The following SIPA1L3 variants were observed in gnomAD, a reference collection of about 807,000 sequenced individuals.
SIPA1L3 encodes the protein signal-induced proliferation-associated 1-like protein 3.
In SIPA1L3, 59 loss-of-function variants were observed where a neutral mutation model predicts 150.1. That is an observed-to-expected ratio of 0.39 (90% confidence interval 0.32 to 0.49). SIPA1L3 has a LOEUF of 0.49. Ranked by LOEUF, SIPA1L3 falls within the 20% of genes least tolerant of loss-of-function variation. The probability of loss-of-function intolerance (pLI) is 0.86; values close to 1 mark genes in which losing one functional copy is unlikely to be tolerated. For synonymous variants in SIPA1L3, 1,070 were observed against 1,077.6 expected, an observed-to-expected ratio of 0.99 and a Z score of 0.14; for missense variants, 2,211 against 2,489.5, an observed-to-expected ratio of 0.89 and a Z score of 2.38.
chr19:38,077,490 A>C (rs376294373), intron 2 of SIPA1L3, among the ~76,000 whole-genome samples: 10 of 151,842 alleles, frequency 6.6e-5, no homozygotes, highest in African/African-American at 2.4e-4. Context: ...AAAAAGAAGT[A>C]AGCCTGTTCA....
At chr19:37,951,874 C>G (rs976129841) in intron 1 of SIPA1L3, among the ~76,000 whole-genome samples, 1 of 116,436 alleles carries the variant, frequency 8.6e-6, no homozygotes, top group Admixed American at 1.2e-4. Context: ...TCCAGCCTGG[C>G]GACAGAGCAA....
intron 17 of SIPA1L3, 42 bp from the exon 18 acceptor site, chr19:38,193,495 C>G: frequency 7.0e-7 from 1 of 1,423,460 alleles, no homozygotes; most frequent in Non-Finnish European, 9.1e-7. Context: ...TGGCTATGAG[C>G]CAGTCTGTGA....
chr19:37,937,603 G>T (rs1163262047), intron 1 of SIPA1L3, among the ~76,000 whole-genome samples: 1 of 151,054 alleles, frequency 6.6e-6, no homozygotes, highest in Non-Finnish European at 1.5e-5. Flanking sequence ...TTAGCCAGGT[G>T]TGGTGGCATG....
At chr19:38,062,118 G>A (rs1209676040) in intron 2 of SIPA1L3, among the ~76,000 whole-genome samples, 1 of 151,882 alleles carries the variant, frequency 6.6e-6, no homozygotes, top group African/African-American at 2.4e-5. Flanking sequence ...GGATCATCTT[G>A]CTGGATCTAC....
At chr19:38,070,100 G>A (rs979404704) in intron 2 of SIPA1L3, among the ~76,000 whole-genome samples, 3 of 151,958 alleles carry the variant, frequency 2.0e-5, no homozygotes, top group Non-Finnish European at 4.4e-5. Context: ...GCTCATCCAC[G>A]GCAGGTACCC....
intron 1 of SIPA1L3, among the ~76,000 whole-genome samples, chr19:37,918,050 A>G (rs1437520152): frequency 2.6e-5 from 4 of 151,826 alleles, no homozygotes; most frequent in African/African-American, 9.7e-5. Flanking sequence ...CTCTGGGTTT[A>G]CATTGGTGTC....
chr19:37,944,372 C>T (rs1599824375), intron 1 of SIPA1L3, among the ~76,000 whole-genome samples: 1 of 152,116 alleles, frequency 6.6e-6, no homozygotes, highest in East Asian at 1.9e-4. Context: ...ATTAAGTGCA[C>T]ACTTCCAGGT....
chr19:37,925,759 A>C (rs2046498324), intron 1 of SIPA1L3, among the ~76,000 whole-genome samples: 1 of 151,844 alleles, frequency 6.6e-6, no homozygotes, highest in South Asian at 2.1e-4. Flanking sequence ...ATGCCCAGCT[A>C]ATTTTTGTAT....
chr19:38,106,568 G>A lies in SIPA1L3; in HGVS notation c.2061G>A (p.Thr687=), dbSNP rs770801508. 2.4e-5 allele frequency: 38 copies of A among 1,613,786 alleles called. No homozygotes were observed. Among genetic ancestry groups the A allele is most frequent in the Non-Finnish European group, 3.1e-5 (37 of 1,179,828 alleles). Reference sequence around the variant, plus strand: ...CCACGGGAACCCACTCCCTCTACACGATGTACCAGGACTACGAGATCATGT... The same window carrying A: ...CCACGGGAACCCACTCCCTCTACACAATGTACCAGGACTACGAGATCATGT... ...TDSTGTHSLY[T]MYQDYEIMFH... The change falls in exon 7 of 22, where the codon ACG becomes ACA. Residue 687 remains threonine, a synonymous_variant. Coordinates refer to ENST00000222345, the MANE Select transcript of SIPA1L3 (RefSeq NM_015073.3).
intron 1 of SIPA1L3, among the ~76,000 whole-genome samples, chr19:37,913,704 C>CTT (rs1333992240): frequency 7.6e-6 from 1 of 131,840 alleles, no homozygotes; most frequent in Admixed American, 7.5e-5. Context: ...CCTTTTCTTT[C>CTT]TTTTTTTTTT....
chr19:38,077,290 A>G (rs1482203588), intron 2 of SIPA1L3, among the ~76,000 whole-genome samples: 1 of 152,060 alleles, frequency 6.6e-6, no homozygotes, highest in Non-Finnish European at 1.5e-5. Flanking sequence ...ACCTCTACCA[A>G]AAATTTAAAA....
chr19:38,023,837 G>C (rs915890556), intron 1 of SIPA1L3, among the ~76,000 whole-genome samples: 6 of 152,162 alleles, frequency 3.9e-5, no homozygotes, highest in African/African-American at 1.2e-4. Context: ...CACTGCCCAG[G>C]GTGTTTATTC....
chr19:38,040,510 G>T (rs931401926), intron 2 of SIPA1L3, among the ~76,000 whole-genome samples: 8 of 152,238 alleles, frequency 5.3e-5, no homozygotes, highest in Non-Finnish European at 8.8e-5. Context: ...TATAAAAGTG[G>T]TTATATAATC....
chr19:38,045,084 A>G (rs549256576), intron 2 of SIPA1L3, among the ~76,000 whole-genome samples: 1 of 152,264 alleles, frequency 6.6e-6, no homozygotes, highest in South Asian at 2.1e-4. Context: ...GGAGATAGAT[A>G]TCAAATAATC....
At chr19:38,083,862 A>G (rs1210895767) in intron 3 of SIPA1L3, among the ~76,000 whole-genome samples, 1 of 151,916 alleles carries the variant, frequency 6.6e-6, no homozygotes, top group Non-Finnish European at 1.5e-5. Flanking sequence ...GCATGGTGAC[A>G]TGTGGCTGTA....
rs568339991 is a variant in SIPA1L3, at chr19:37,968,165, C to T, written c.-379+60807C>T. Among the ~76,000 whole-genome samples, 4 of 151,670 alleles carry T rather than the reference C, an allele frequency of 2.6e-5. 1 individual carries two copies. Among genetic ancestry groups the T allele is most frequent in the South Asian group, 4.2e-4 (2 of 4,774 alleles). On this transcript the variant is annotated intron_variant, in intron 1 of 21. Coordinates refer to ENST00000222345, the MANE Select transcript of SIPA1L3 (RefSeq NM_015073.3). ...CTCAGCTCATGCAACCTCTGCCTCC[C>T]GGGTTCAAGCGATTCTCCTGCCTCA...
chr19:38,191,818 A>G (rs1972810318), intron 16 of SIPA1L3, among the ~76,000 whole-genome samples: 1 of 151,738 alleles, frequency 6.6e-6, no homozygotes, highest in South Asian at 2.1e-4. Context: ...CTCAAACAAC[A>G]AAAAAAAGCC....
intron 8 of SIPA1L3, among the ~76,000 whole-genome samples, chr19:38,118,591 T>C (rs1048957796): frequency 1.3e-5 from 2 of 151,700 alleles, no homozygotes; most frequent in Non-Finnish European, 2.9e-5. Context: ...TGGAGTGCAG[T>C]GGCGCCATCT....
At chr19:38,031,607 C>A (rs1432048763) in intron 2 of SIPA1L3, among the ~76,000 whole-genome samples, 2 of 152,174 alleles carry the variant, frequency 1.3e-5, no homozygotes, top group Admixed American at 1.3e-4. Context: ...TCTGTGACAT[C>A]AATGCATCAT....
Sources: allele counts gnomAD v4.1 joint callset (sites outside exome capture counted in the v4.1 genomes callset), GRCh38; gene constraint gnomAD v4.1.1; transcripts MANE v1.5; gene names NCBI Gene and HGNC (gene_info 2026-07-23, HGNC 2026-07-21).